The following TRIM28 variants were observed in gnomAD, a reference collection of about 807,000 sequenced individuals.
TRIM28 encodes tripartite motif containing 28.
In TRIM28, 8 loss-of-function variants were observed where a neutral mutation model predicts 87.4. The observed-to-expected ratio is 0.09, with a 90% confidence interval of 0.05 to 0.17. The LOEUF (loss-of-function observed/expected upper bound fraction) is 0.17, where lower values mean the gene tolerates loss of function less well. TRIM28 is among the 10% of genes least tolerant of loss of function. The pLI is 1.00. For synonymous variants in TRIM28, 601 were observed against 454.3 expected (o/e 1.32, Z -4.11); for missense variants, 968 against 1,131.8 (o/e 0.86, Z 2.08).
Position 58,544,728 on chromosome 19 carries a change from C to G in TRIM28, c.-30C>G. 1 of 993,916 alleles carries G rather than the reference C, an allele frequency of 1.0e-6. No homozygotes were observed. The highest frequency in any genetic ancestry group is 1.2e-6 in the Non-Finnish European group (1 of 825,448). 61.6% of individuals were successfully genotyped at this position (993,916 alleles called of 1,614,324 possible). ...GCGCGGCGGGCCCCGCGCCCCTCCT[C>G]CCCCCCTGGGCGCCCCCGGCGGCGT... On this transcript the variant is annotated 5_prime_UTR_variant, in exon 1 of 17. Coordinates refer to ENST00000253024, the MANE Select transcript of TRIM28 (RefSeq NM_005762.3).
rs2053748921 is a variant in TRIM28 at position 58,545,094 on chromosome 19, A to G, written c.337A>G (p.Thr113Ala). Reference sequence around the variant, plus strand: ...GGACGGCGGGGCGGCGGGCGACGGCACCGGTAAGTACGAAGTGATCGGTGC... The same window carrying G: ...GGACGGCGGGGCGGCGGGCGACGGCGCCGGTAAGTACGAAGTGATCGGTGC... Reference protein sequence around the residue: ...SGDGGAAGDGTVVDCPVCKQQ... With the variant: ...SGDGGAAGDGAVVDCPVCKQQ... The change falls in exon 1 of 17, where the codon ACC (threonine) becomes GCC (alanine). Residue 113 changes from threonine (T) to alanine (A), a missense_variant. Physicochemically the swap from Thr to Ala is moderately conservative, Grantham distance 58 (BLOSUM62 0). This residue lies in a region of TRIM28 where 51 missense variants were observed against 69.3 expected (regional missense o/e 0.74). Transcript: ENST00000253024. The G allele has an allele frequency of 1.4e-6, 2 of 1,420,198 alleles. No homozygotes were observed. Among genetic ancestry groups the G allele is most frequent in the African/African-American group, 3.0e-5 (2 of 66,812 alleles). 88.0% of individuals were successfully genotyped at this position (1,420,198 alleles called of 1,614,324 possible).
rs1469701988 is a variant in TRIM28, at chr19:58,544,561, G to A, written c.-197G>A. ...AGAAGCGCGGGCGGCGCCTTCGGGA[G>A]GCGAGCAGGCAGCAGTTGGCCGTGC... is the stretch of plus-strand genomic sequence containing the variant. On this transcript the variant is annotated 5_prime_UTR_variant, in exon 1 of 17. Coordinates refer to ENST00000253024, the MANE Select transcript of TRIM28 (RefSeq NM_005762.3). The A allele has an allele frequency of 6.4e-6, 1 of 156,080 alleles. No individual in the cohort carries two copies. The highest frequency in any genetic ancestry group is 2.4e-5 in the African/African-American group (1 of 41,512). The allele number at this position is 156,080 out of a possible 1,614,324, so 9.7% of individuals were successfully genotyped here.
intron 1 of TRIM28, 144 bp from the exon 2 acceptor site, chr19:58,545,281 A>G (rs1406645275): frequency 1.3e-5 from 12 of 890,276 alleles, no homozygotes; most frequent in Non-Finnish European, 2.1e-5. Flanking sequence ...ACATCTGACT[A>G]AAGTTGGAGA....
chr19:58,547,620 T>G lies in TRIM28; in HGVS notation c.746T>G (p.Val249Gly), dbSNP rs776643213. The change falls in exon 5 of 17, where the codon GTG becomes GGG. Residue 249 changes from valine to glycine, a missense_variant. Around this residue, in one of 11 missense-constraint regions of TRIM28, gnomAD observed 103 missense variants for 139.0 expected, o/e 0.74. Transcript: ENST00000253024. Reference protein sequence around the residue: ...DHQYQFLEDAVRNQRKLLASL... With the variant: ...DHQYQFLEDAGRNQRKLLASL... ...AGGTACCAGTTCTTAGAGGATGCAG[T>G]GAGGAACCAGCGCAAGCTCCTGGCC... 7 of 1,613,964 alleles carry G rather than the reference T, an allele frequency of 4.3e-6. No homozygotes were observed. The highest frequency in any genetic ancestry group is 5.1e-6 in the Non-Finnish European group (6 of 1,180,006).
chr19:58,549,389 C>T lies in TRIM28; in HGVS notation c.1721C>T (p.Thr574Ile), dbSNP rs1448117458. 6.3e-7 allele frequency: 1 copy of T among 1,585,584 alleles called. No individual in the cohort carries two copies. Among genetic ancestry groups the T allele is most frequent in the Non-Finnish European group, 8.6e-7 (1 of 1,162,446 alleles). The part of the protein sequence containing the change: ...APPTATEGPE[T>I]KPVLMALAEG... The stretch of plus-strand genomic sequence containing the variant: ...CCTACTGCCACTGAGGGCCCTGAGA[C>T]CAAACCTGTGCTTATGGCTCTTGCG... Residue 574 changes from threonine to isoleucine, a missense_variant, in exon 13 of 17, where the codon ACC becomes ATC. Physicochemically the swap from Thr to Ile is moderately conservative, Grantham distance 89. Coordinates refer to ENST00000253024, the MANE Select transcript of TRIM28 (RefSeq NM_005762.3). This position sits in a 1 kb window ranked among gnomAD's most constrained non-coding sequence, Gnocchi z 4.4.
At position 58,544,738 on chromosome 19, in the gene TRIM28, G is replaced by A; in HGVS notation, c.-20G>A. 1 of 1,059,028 alleles carries A rather than the reference G, an allele frequency of 9.4e-7. No individual in the cohort carries two copies. Among genetic ancestry groups the A allele is most frequent in the South Asian group, 4.4e-5 (1 of 22,892 alleles). 65.6% of individuals were successfully genotyped at this position (1,059,028 alleles called of 1,614,324 possible). On this transcript the variant is annotated 5_prime_UTR_variant, in exon 1 of 17. Coordinates refer to ENST00000253024, the MANE Select transcript of TRIM28 (RefSeq NM_005762.3). The stretch of plus-strand genomic sequence containing the variant: ...CCCCGCGCCCCTCCTCCCCCCCTGG[G>A]CGCCCCCGGCGGCGTGTGAATGGCG...
At chr19:58,545,637 A>G (rs1053205976) in intron 2 of TRIM28, 100 bp downstream of exon 2, 41 of 1,504,356 alleles carry the variant, frequency 2.7e-5, no homozygotes, top group South Asian at 1.3e-4. Flanking sequence ...CACTTTCCCA[A>G]GGCTCTGGGT....
chr19:58,544,673 C>A lies in TRIM28; in HGVS notation c.-85C>A. ...CGCGGCGGCGGCGGCGGCAGCGGCC[C>A]AGCAGTTGGCGGCGAGCGCGTCTGC... On this transcript the variant is annotated 5_prime_UTR_variant, in exon 1 of 17. Coordinates refer to ENST00000253024, the MANE Select transcript of TRIM28 (RefSeq NM_005762.3). 1 of 552,902 alleles carries A rather than the reference C, an allele frequency of 1.8e-6. No individual in the cohort carries two copies. The highest frequency in any genetic ancestry group is 2.3e-6 in the Non-Finnish European group (1 of 436,408). 34.2% of individuals were successfully genotyped at this position (552,902 alleles called of 1,614,324 possible). A position where few individuals can be genotyped will look rare whatever the true frequency, so the allele number is the denominator to read the frequency against.
rs188625169 is a variant in TRIM28, at chr19:58,548,597, G to A, written c.1323+5G>A. 331 of 1,609,888 alleles carry A rather than the reference G, an allele frequency of 2.1e-4. No individual in the cohort carries two copies. In the African/African-American group the frequency reaches 3.9e-3, roughly 19 times the overall value. On this transcript the variant is annotated splice_donor_5th_base_variant and intron_variant, in intron 9 of 16. Transcript: ENST00000253024. ...CAGGGCTCTGGCAGCAGCCAGGTGA[G>A]CAGGAGAGAGGACCCAGGAAGGGGT...
At chr19:58,546,436 T>C (rs1378596927) in intron 3 of TRIM28, among the ~76,000 whole-genome samples, 1 of 152,186 alleles carries the variant, frequency 6.6e-6, no homozygotes, top group Non-Finnish European at 1.5e-5. Context: ...TTGAGAGTCT[T>C]TTGAGTCTAG....
At position 58,544,134 on chromosome 19, in the gene TRIM28, C is replaced by T. The variant is rs2053735695; in HGVS notation, c.-624C>T. 2.0e-5 allele frequency: 3 copies of T among 152,504 alleles called. No homozygotes were observed. In the South Asian group the frequency reaches 6.2e-4, roughly 31 times the overall value. The allele number at this position is 152,504 out of a possible 1,614,324, so 9.4% of individuals were successfully genotyped here. On this transcript the variant is annotated 5_prime_UTR_variant, in exon 1 of 17. Coordinates refer to ENST00000253024, the MANE Select transcript of TRIM28 (RefSeq NM_005762.3). Reference sequence around the variant, plus strand: ...GGGTTGAGGAAGAGGGACGGATTGCCCATGCGCTTGGGCGCACAGCGGCCC... The same window carrying T: ...GGGTTGAGGAAGAGGGACGGATTGCTCATGCGCTTGGGCGCACAGCGGCCC...
intron 15 of TRIM28, 43 bp downstream of exon 15, chr19:58,550,078 G>C (rs1173785115): frequency 2.5e-6 from 4 of 1,613,614 alleles, no homozygotes; most frequent in Non-Finnish European, 3.4e-6. Context: ...GGTGGCTGCT[G>C]GGTCTCGCCC....
intron 1 of TRIM28, 71 bp downstream of exon 1, chr19:58,545,168 G>A (rs377634532): frequency 8.3e-6 from 11 of 1,319,552 alleles, no homozygotes; most frequent in Non-Finnish European, 9.0e-6. Context: ...GTGCAGAGAT[G>A]AGGATGCCAC....
chr19:58,550,424 G>A lies in TRIM28; in HGVS notation c.2379G>A (p.Glu793=), dbSNP rs746823510. The A allele has an allele frequency of 1.2e-6, 2 of 1,613,814 alleles. No individual in the cohort carries two copies. The highest frequency in any genetic ancestry group is 1.7e-6 in the Non-Finnish European group (2 of 1,180,022). Residue 793 remains glutamate, a synonymous_variant, in exon 17 of 17, where the codon GAG becomes GAA. Transcript: ENST00000253024. ...TCATCGGCCTGCAGCGCTTCTTCGA[G>A]ACGCGCATGAACGAGGCCTTCGGTG... ...QSIIGLQRFF[E]TRMNEAFGDT...
chr19:58,547,250 T>A (rs1800960150), intron 3 of TRIM28, 126 bp from the exon 4 acceptor site: 1 of 1,288,440 alleles, frequency 7.8e-7, no homozygotes, highest in Non-Finnish European at 1.1e-6. Flanking sequence ...GGCCACACCC[T>A]CTACATCTTC....
chr19:58,544,131 T>A lies in TRIM28; in HGVS notation c.-627T>A, dbSNP rs2053735664. 1 of 152,472 alleles carries A rather than the reference T, an allele frequency of 6.6e-6. No individual in the cohort carries two copies. The highest frequency in any genetic ancestry group is 1.5e-5 in the Non-Finnish European group (1 of 68,222). 9.4% of individuals were successfully genotyped at this position (152,472 alleles called of 1,614,324 possible). On this transcript the variant is annotated 5_prime_UTR_variant, in exon 1 of 17. Transcript: ENST00000253024. ...CGCGGGTTGAGGAAGAGGGACGGAT[T>A]GCCCATGCGCTTGGGCGCACAGCGG...
intron 3 of TRIM28, among the ~76,000 whole-genome samples, chr19:58,546,907 C>T (rs761544221): frequency 6.6e-6 from 1 of 152,044 alleles, no homozygotes; most frequent in Non-Finnish European, 1.5e-5. Context: ...TTCCTCTGGG[C>T]CCTTGGATTG....
rs375189696 is a variant in TRIM28, at chr19:58,549,428, C to T, written c.1760C>T (p.Ala587Val). ...ATGGCTCTTGCGGAGGGTCCTGGTG[C>T]TGAGGGTCCCCGCCTGGCCTCACCT... ...VLMALAEGPGAEGPRLASPSG... is the reference protein window; with the variant it reads ...VLMALAEGPGVEGPRLASPSG... Residue 587 changes from alanine to valine, a missense_variant, in exon 13 of 17, where the codon GCT becomes GTT. Physicochemically the swap from Ala to Val is moderately conservative, Grantham distance 64. Transcript: ENST00000253024. The surrounding 1 kb of genome is among the most constrained non-coding windows in gnomAD (Gnocchi z 4.4). The T allele has an allele frequency of 4.4e-6, 7 of 1,605,596 alleles. No individual in the cohort carries two copies. Among genetic ancestry groups the T allele is most frequent in the Non-Finnish European group, 6.0e-6 (7 of 1,173,782 alleles).
intron 2 of TRIM28, 96 bp from the exon 3 acceptor site, chr19:58,545,668 A>T (rs764815688): frequency 5.8e-6 from 9 of 1,553,146 alleles, no homozygotes; most frequent in Non-Finnish European, 7.9e-6. Flanking sequence ...GGTTGGGTCA[A>T]GGGACCAATC....
Sources: allele counts gnomAD v4.1 joint callset (sites outside exome capture counted in the v4.1 genomes callset), GRCh38; gene constraint gnomAD v4.1.1; regional missense constraint gnomAD v4.1.1; non-coding constraint Gnocchi (gnomAD v3.1); transcripts MANE v1.5; gene names NCBI Gene and HGNC (gene_info 2026-07-23, HGNC 2026-07-21).